ULK2: variants seen among roughly 807,000 people sequenced by gnomAD.
ULK2 encodes the protein serine/threonine-protein kinase ULK2.
A neutral mutation model predicts 127.5 loss-of-function variants in ULK2; 76 were observed. That is an observed-to-expected ratio of 0.60 (90% confidence interval 0.50 to 0.72). ULK2 has a LOEUF of 0.72. Ranked by LOEUF, ULK2 falls within the 30% of genes least tolerant of loss-of-function variation. The pLI is 0.00. For missense variants in ULK2, 1,144 were observed against 1,295.9 expected (o/e 0.88, Z 1.80); for synonymous variants, 452 against 461.9 (o/e 0.98, Z 0.28).
chr17:19,822,666 C>G (rs993368985), intron 12 of ULK2, among the ~76,000 whole-genome samples: 1 of 151,746 alleles, frequency 6.6e-6, no homozygotes, highest in Non-Finnish European at 1.5e-5. Context: ...CCACACCCGG[C>G]CCGTTTACTG....
chr17:19,784,380 T>C (rs941576764), intron 21 of ULK2, among the ~76,000 whole-genome samples: 1 of 152,098 alleles, frequency 6.6e-6, no homozygotes, highest in Non-Finnish European at 1.5e-5. Context: ...TGAAGTGGTA[T>C]AAGAAGGAAT....
chr17:19,818,015 G>A (rs552564516), intron 12 of ULK2, among the ~76,000 whole-genome samples: 6 of 152,016 alleles, frequency 3.9e-5, no homozygotes, highest in African/African-American at 1.4e-4. Context: ...AGAGCTTTCC[G>A]GCAGGGTGTG....
At chr17:19,867,206 C>T (rs2042370665) in intron 1 of ULK2, 122 bp downstream of exon 1, 2 of 709,202 alleles carry the variant, frequency 2.8e-6, no homozygotes, top group Non-Finnish European at 2.1e-6. Flanking sequence ...GCTGCGCGCA[C>T]AATAGCATAC....
chr17:19,845,406 C>A, intron 6 of ULK2, 29 bp from the exon 7 acceptor site: 2 of 1,547,936 alleles, frequency 1.3e-6, no homozygotes, highest in Non-Finnish European at 1.8e-6. Flanking sequence ...AGTAGAAAAG[C>A]AAATTACGTC....
At chr17:19,855,160 T>G (rs1231874026) in intron 3 of ULK2, among the ~76,000 whole-genome samples, 5 of 148,312 alleles carry the variant, frequency 3.4e-5, no homozygotes, top group Non-Finnish European at 7.4e-5. Context: ...ATCCCAGCAC[T>G]TTGGGAGGCC....
chr17:19,782,394 A>G (rs917447363), intron 22 of ULK2, among the ~76,000 whole-genome samples: 1 of 152,262 alleles, frequency 6.6e-6, no homozygotes, highest in African/African-American at 2.4e-5. Flanking sequence ...GTGACAAGGT[A>G]GACACAAAGA....
chr17:19,853,748 T>G (rs915986247), intron 3 of ULK2, among the ~76,000 whole-genome samples: 1 of 152,004 alleles, frequency 6.6e-6, no homozygotes, highest in Non-Finnish European at 1.5e-5. Flanking sequence ...ATTTTTTGTA[T>G]TTTTAGTAGA....
At chr17:19,796,411 T>C (rs1250688284) in intron 18 of ULK2, 129 bp from the exon 19 acceptor site, 7 of 876,802 alleles carry the variant, frequency 8.0e-6, no homozygotes, top group Admixed American at 3.7e-5. Context: ...GTGGGAAAAA[T>C]TGTAGAAAGA....
intron 3 of ULK2, among the ~76,000 whole-genome samples, chr17:19,849,988 T>C (rs930649680): frequency 2.0e-5 from 3 of 152,178 alleles, no homozygotes; most frequent in African/African-American, 7.2e-5. Context: ...AATGTAGTCA[T>C]CAAGAAGTAA....
rs768584306 is a variant in ULK2, at chr17:19,776,398, C to T, written c.3062G>A (p.Ser1021Asn). The part of the protein sequence containing the change: ...DIENVHKYKC[S>N]IERRLSALCH... ...GAGCGCCGACAGTCTTCTCTCAATA[C>T]TACATTTATCTAGAAATAAAATAAC... is the stretch of plus-strand genomic sequence containing the variant. The change falls in exon 27 of 27, where the codon AGT (serine) becomes AAT (asparagine). Residue 1021 changes from serine to asparagine, a missense_variant. By Grantham distance (46) the Ser-to-Asn change is conservative (BLOSUM62 1). Coordinates refer to ENST00000395544, the MANE Select transcript of ULK2 (RefSeq NM_014683.4). 9 of 1,595,090 alleles carry T rather than the reference C, an allele frequency of 5.6e-6. No individual in the cohort carries two copies. The highest frequency in any genetic ancestry group is 2.3e-5 in the East Asian group (1 of 44,038).
chr17:19,819,758 A>G (rs1355276232), intron 12 of ULK2, among the ~76,000 whole-genome samples: 2 of 152,162 alleles, frequency 1.3e-5, no homozygotes, highest in Non-Finnish European at 2.9e-5. Flanking sequence ...AAGTTCAAGC[A>G]ATCTTCAAGA....
chr17:19,811,909 A>G (rs1324239452), intron 13 of ULK2, among the ~76,000 whole-genome samples: 1 of 152,220 alleles, frequency 6.6e-6, no homozygotes, highest in Admixed American at 6.5e-5. Flanking sequence ...AGTTCTTTTG[A>G]TACCATGTTG....
At position 19,810,454 on chromosome 17, in the gene ULK2, G is replaced by T; in HGVS notation, c.1097-16C>A. 6.4e-7 allele frequency: 1 copy of T among 1,552,432 alleles called. No individual in the cohort carries two copies. The highest frequency in any genetic ancestry group is 8.8e-7 in the Non-Finnish European group (1 of 1,139,486). On this transcript the variant is annotated splice_polypyrimidine_tract_variant and intron_variant, in intron 13 of 26. Transcript: ENST00000395544. ...GGCATATCACCTAAAGGAGAGAAAA[G>T]AACAATCAGTTCCTGTTATACCATC...
chr17:19,788,974 C>T (rs892656008), intron 20 of ULK2, among the ~76,000 whole-genome samples: 4 of 152,314 alleles, frequency 2.6e-5, no homozygotes, highest in Admixed American at 2.6e-4. Flanking sequence ...CCCCTGACTC[C>T]TAGATAGCAT....
intron 15 of ULK2, among the ~76,000 whole-genome samples, chr17:19,804,236 G>GAA (rs5819689): frequency 3.2e-4 from 47 of 147,594 alleles, no homozygotes; most frequent in Non-Finnish European, 3.3e-4. Flanking sequence ...AAAAGAAAAA[G>GAA]AAAAAAAAAA....
At chr17:19,802,846 A>T (rs1173916423) in intron 15 of ULK2, among the ~76,000 whole-genome samples, 2 of 152,224 alleles carry the variant, frequency 1.3e-5, no homozygotes, top group African/African-American at 4.8e-5. Context: ...TTACCTGTGC[A>T]TGATTTTTTT....
chr17:19,800,367 A>G (rs1390449944), intron 16 of ULK2, among the ~76,000 whole-genome samples: 1 of 152,170 alleles, frequency 6.6e-6, no homozygotes, highest in South Asian at 2.1e-4. Context: ...AAACATGTCT[A>G]TATCAAGAGG....
At chr17:19,786,713 CAAAAAAAAAAAA>C (rs71157831) in intron 20 of ULK2, among the ~76,000 whole-genome samples, 3 of 127,884 alleles carry the variant, frequency 2.3e-5, no homozygotes, top group Non-Finnish European at 5.0e-5. Flanking sequence ...GGCTCCGTCT[CAAAAAAAAAAAA>C]AAAAGAAAGA....
In ULK2 at chr17:19,775,418, C is replaced by T. The variant is rs150274589; in HGVS notation, c.*931G>A. The stretch of plus-strand genomic sequence containing the variant: ...AAATTATCAAGAGTATCTCTTGATC[C>T]ATGATTTTGTTTCTAATACTGCCCA... On this transcript the variant is annotated 3_prime_UTR_variant, in exon 27 of 27. Transcript: ENST00000395544. 1 of 152,694 alleles carries T rather than the reference C, an allele frequency of 6.5e-6. No homozygotes were observed. Among genetic ancestry groups the T allele is most frequent in the Non-Finnish European group, 1.5e-5 (1 of 68,016 alleles). The allele number at this position is 152,694 out of a possible 1,614,324, so 9.5% of individuals were successfully genotyped here. A position where few individuals can be genotyped will look rare whatever the true frequency, so the allele number is the denominator to read the frequency against.
Sources: allele counts gnomAD v4.1 joint callset (sites outside exome capture counted in the v4.1 genomes callset), GRCh38; gene constraint gnomAD v4.1.1; transcripts MANE v1.5; gene names NCBI Gene and HGNC (gene_info 2026-07-23, HGNC 2026-07-21).